ATP1A1: variants seen among roughly 807,000 people sequenced by gnomAD.
The protein encoded by ATP1A1 is sodium/potassium-transporting ATPase subunit alpha-1.
A neutral mutation model predicts 114.8 loss-of-function variants in ATP1A1; 14 were observed. The ratio of observed to expected loss-of-function variants is 0.12; its 90% confidence interval spans 0.08 to 0.19. The LOEUF is 0.19. Among genes scored for constraint, ATP1A1 ranks in the 10% least tolerant of loss-of-function variants. The probability of loss-of-function intolerance (pLI) is 1.00; values close to 1 mark genes in which losing one functional copy is unlikely to be tolerated. For synonymous variants in ATP1A1, 471 were observed against 466.3 expected, an observed-to-expected ratio of 1.01 and a Z score of -0.13; for missense variants, 524 against 1,290.7, an observed-to-expected ratio of 0.41 and a Z score of 9.10.
rs1653050392 is a variant in ATP1A1 at position 116,397,738 on chromosome 1, T to C, written c.1974-150T>C. ...AAATGCTCTGTAACCTGTAAAGTAC[T>C]GAACACTTAATAGCTTTTATGTGCT... is the stretch of plus-strand genomic sequence containing the variant. On this transcript the variant is annotated intron_variant, in intron 14 of 22. Coordinates refer to ENST00000295598, the MANE Select transcript of ATP1A1 (RefSeq NM_000701.8). The surrounding 1 kb of genome is among the most constrained non-coding windows in gnomAD (Gnocchi z 4.2). The C allele has an allele frequency of 1.0e-6, 1 of 964,548 alleles. No homozygotes were observed. Among genetic ancestry groups the C allele is most frequent in the Non-Finnish European group, 1.5e-6 (1 of 661,768 alleles). The allele number at this position is 964,548 out of a possible 1,614,324, so 59.7% of individuals were successfully genotyped here. A position where few individuals can be genotyped will look rare whatever the true frequency, so the allele number is the denominator to read the frequency against.
At chr1:116,392,740 C>G in intron 10 of ATP1A1, 114 bp from the exon 11 acceptor site, 1 of 1,306,854 alleles carries the variant, frequency 7.7e-7, no homozygotes, top group South Asian at 1.5e-5. Flanking sequence ...TCTTGCCCAT[C>G]CTCTGCTACC....
rs1652613055 is a variant in ATP1A1, at chr1:116,393,207, G to A, written c.1467+219G>A. On this transcript the variant is annotated intron_variant, in intron 11 of 22. Transcript: ENST00000295598. This position sits in a 1 kb window ranked among gnomAD's most constrained non-coding sequence, Gnocchi z 5.0. The stretch of plus-strand genomic sequence containing the variant: ...CTGTTGAGCCCTTTTGAATACTTGT[G>A]GTTTGGGGTGGGTGTGGGCATGTGG... Among the ~76,000 whole-genome samples, 1 of 151,876 alleles carries A rather than the reference G, an allele frequency of 6.6e-6. No individual in the cohort carries two copies. The highest frequency in any genetic ancestry group is 1.9e-4 in the East Asian group (1 of 5,194).
chr1:116,382,789 C>T (rs574983395), intron 1 of ATP1A1, among the ~76,000 whole-genome samples: 6 of 152,246 alleles, frequency 3.9e-5, no homozygotes, highest in African/African-American at 1.4e-4. Context: ...AATCTGGACA[C>T]GAGTTCCTAA....
At position 116,401,450 on chromosome 1, in the gene ATP1A1, C is replaced by T. The variant is rs1653470678; in HGVS notation, c.2850-104C>T. 2 of 1,413,054 alleles carry T rather than the reference C, an allele frequency of 1.4e-6. No individual in the cohort carries two copies. The highest frequency in any genetic ancestry group is 9.8e-7 in the Non-Finnish European group (1 of 1,019,046). 87.5% of individuals were successfully genotyped at this position (1,413,054 alleles called of 1,614,324 possible). A position where few individuals can be genotyped will look rare whatever the true frequency, so the allele number is the denominator to read the frequency against. On this transcript the variant is annotated intron_variant, in intron 20 of 22. Transcript: ENST00000295598. This position sits in a 1 kb window ranked among gnomAD's most constrained non-coding sequence, Gnocchi z 4.7. ...CATCTGACCTCCAAGTTTTCAAGTA[C>T]AGCTAATACATAAAGATGTTGATCT...
intron 13 of ATP1A1, among the ~76,000 whole-genome samples, chr1:116,396,304 T>A (rs2101057131): frequency 6.7e-6 from 1 of 148,474 alleles, no homozygotes; most frequent in East Asian, 1.9e-4. Context: ...TTTTGCTGGT[T>A]TTAGTAATTT....
chr1:116,388,187 C>T lies in ATP1A1; in HGVS notation c.444C>T (p.Tyr148=), dbSNP rs150863711. 3.1e-6 allele frequency: 5 copies of T among 1,614,126 alleles called. No homozygotes were observed. The highest frequency in any genetic ancestry group is 2.2e-5 in the East Asian group (1 of 44,872). Residue 148 remains tyrosine, a synonymous_variant, in exon 5 of 23, where the codon TAC becomes TAT. Coordinates refer to ENST00000295598, the MANE Select transcript of ATP1A1 (RefSeq NM_000701.8). This position sits in a 1 kb window ranked among gnomAD's most constrained non-coding sequence, Gnocchi z 5.6. The part of the protein sequence containing the change: ...AVVIITGCFS[Y]YQEAKSSKIM... ...TAATCATAACTGGTTGCTTCTCCTA[C>T]TATCAAGAAGCTAAAAGTTCAAAGA...
At chr1:116,373,690 T>G in intron 1 of ATP1A1, among the ~76,000 whole-genome samples, 167 bp downstream of exon 1, 1 of 119,674 alleles carries the variant, frequency 8.4e-6, no homozygotes, top group Non-Finnish European at 1.7e-5. Flanking sequence ...AGTTTGGAAA[T>G]GGAGGGAGCG....
rs533768384 is a variant in ATP1A1, at chr1:116,390,633, T to A, written c.1223-149T>A. ...CTTTAAATTGCCCTACAAACGTGAC[T>A]GAAGAATGCCTAAAATGTGATTGGT... On this transcript the variant is annotated intron_variant, in intron 9 of 22. Transcript: ENST00000295598. The A allele has an allele frequency of 1.7e-5, 14 of 840,274 alleles. No homozygotes were observed. The African/African-American group carries it at 1.9e-4, about 11-fold the overall frequency. The allele number at this position is 840,274 out of a possible 1,614,324, so 52.1% of individuals were successfully genotyped here.
At position 116,393,510 on chromosome 1, in the gene ATP1A1, T is replaced by C. The variant is rs759588556; in HGVS notation, c.1468-21T>C. ...CACACATCCAACCATCCAATGTTTA[T>C]GTCTCAACAATCCTTCACAGTTGTC... On this transcript the variant is annotated intron_variant, in intron 11 of 22. Transcript: ENST00000295598. The surrounding 1 kb of genome is among the most constrained non-coding windows in gnomAD (Gnocchi z 5.0). 3 of 1,600,470 alleles carry C rather than the reference T, an allele frequency of 1.9e-6. No individual in the cohort carries two copies. Among genetic ancestry groups the C allele is most frequent in the East Asian group, 2.2e-5 (1 of 44,644 alleles).
chr1:116,395,240 G>T lies in ATP1A1; in HGVS notation c.1791G>T (p.Ala597=). 2.5e-6 allele frequency: 4 copies of T among 1,614,046 alleles called. No homozygotes were observed. The highest frequency in any genetic ancestry group is 3.4e-6 in the Non-Finnish European group (4 of 1,179,978). ...TCTCCATGATTGACCCTCCACGGGC[G>T]GCCGTTCCTGATGCCGTGGGCAAAT... ...GLISMIDPPR[A]AVPDAVGKCR... The change falls in exon 13 of 23, where the codon GCG becomes GCT. Residue 597 remains alanine, a synonymous_variant. Transcript: ENST00000295598. The surrounding 1 kb of genome is among the most constrained non-coding windows in gnomAD (Gnocchi z 6.4).
Position 116,401,423 on chromosome 1 carries a change from T to G in ATP1A1, c.2850-131T>G. 1 of 1,454,412 alleles carries G rather than the reference T, an allele frequency of 6.9e-7. No homozygotes were observed. Among genetic ancestry groups the G allele is most frequent in the Non-Finnish European group, 9.4e-7 (1 of 1,066,496 alleles). 90.1% of individuals were successfully genotyped at this position (1,454,412 alleles called of 1,614,324 possible). The stretch of plus-strand genomic sequence containing the variant: ...GCAAGAAATGTAGCTTTCTAGTTTT[T>G]TCATCTGACCTCCAAGTTTTCAAGT... On this transcript the variant is annotated intron_variant, in intron 20 of 22. Transcript: ENST00000295598. The surrounding 1 kb of genome is among the most constrained non-coding windows in gnomAD (Gnocchi z 4.7).
Position 116,393,527 on chromosome 1 carries a change from A to T in ATP1A1, c.1468-4A>T. ...AATGTTTATGTCTCAACAATCCTTC[A>T]CAGTTGTCTATTCATAAGAACCCCA... On this transcript the variant is annotated splice_polypyrimidine_tract_variant and splice_region_variant and intron_variant, in intron 11 of 22. Coordinates refer to ENST00000295598, the MANE Select transcript of ATP1A1 (RefSeq NM_000701.8). This position sits in a 1 kb window ranked among gnomAD's most constrained non-coding sequence, Gnocchi z 5.0. The T allele has an allele frequency of 1.2e-6, 2 of 1,610,806 alleles. No homozygotes were observed. The highest frequency in any genetic ancestry group is 1.7e-6 in the Non-Finnish European group (2 of 1,178,172).
Position 116,387,178 on chromosome 1 carries a change from C to A in ATP1A1, c.184-110C>A. ...TTTACCTTGGCTCTCTAGCTTGGGA[C>A]ATTTTGTTTCTTCCTTAAATCCTTA... On this transcript the variant is annotated intron_variant, in intron 3 of 22. Transcript: ENST00000295598. This position sits in a 1 kb window ranked among gnomAD's most constrained non-coding sequence, Gnocchi z 6.7. 1 of 1,277,144 alleles carries A rather than the reference C, an allele frequency of 7.8e-7. No homozygotes were observed. Among genetic ancestry groups the A allele is most frequent in the Non-Finnish European group, 1.1e-6 (1 of 917,204 alleles). 79.1% of individuals were successfully genotyped at this position (1,277,144 alleles called of 1,614,324 possible). A position where few individuals can be genotyped will look rare whatever the true frequency, so the allele number is the denominator to read the frequency against.
chr1:116,390,842 G>A lies in ATP1A1; in HGVS notation c.1283G>A (p.Cys428Tyr). The A allele has an allele frequency of 1.2e-6, 2 of 1,614,190 alleles. No homozygotes were observed. The highest frequency in any genetic ancestry group is 1.7e-6 in the Non-Finnish European group (2 of 1,180,032). ...GCTCTGTCCAGAATTGCAGGTCTTT[G>A]TAACAGGGCAGTGTTTCAGGCTAAC... ...WLALSRIAGL[C>Y]NRAVFQANQE... Residue 428 changes from cysteine (C) to tyrosine (Y), a missense_variant, in exon 10 of 23, where the codon TGT becomes TAT. This residue lies in a region of ATP1A1 where 143 missense variants were observed against 259.3 expected (regional missense o/e 0.55). Coordinates refer to ENST00000295598, the MANE Select transcript of ATP1A1 (RefSeq NM_000701.8).
intron 10 of ATP1A1, among the ~76,000 whole-genome samples, chr1:116,391,400 C>G (rs1652464909): frequency 6.6e-6 from 1 of 152,152 alleles, no homozygotes; most frequent in Non-Finnish European, 1.5e-5. Flanking sequence ...AAAATAAGCT[C>G]CAGGCCAAAA....
rs1324881194 is a variant in ATP1A1 at position 116,388,180 on chromosome 1, TCTC to T, written c.440_442del (p.Ser147del). On this transcript the variant is annotated inframe_deletion, in exon 5 of 23. Transcript: ENST00000295598. This position sits in a 1 kb window ranked among gnomAD's most constrained non-coding sequence, Gnocchi z 5.6. The stretch of plus-strand genomic sequence containing the variant: ...GCCGTTGTAATCATAACTGGTTGCT[TCTC>T]CTACTATCAAGAAGCTAAAAGTTCA... The T allele has an allele frequency of 6.2e-7, 1 of 1,614,146 alleles. No individual in the cohort carries two copies. Among genetic ancestry groups the T allele is most frequent in the Admixed American group, 1.7e-5 (1 of 60,022 alleles).
chr1:116,402,692 G>T (rs1447523475), intron 21 of ATP1A1, among the ~76,000 whole-genome samples: 3 of 152,170 alleles, frequency 2.0e-5, no homozygotes, highest in African/African-American at 7.2e-5. Context: ...TTTGTGTTTG[G>T]TAAGATCCTT....
chr1:116,393,537 A>G lies in ATP1A1; in HGVS notation c.1474A>G (p.Ile492Val). ...FNSTNKYQLS[I>V]HKNPNTSEPQ... ...TCTCAACAATCCTTCACAGTTGTCT[A>G]TTCATAAGAACCCCAACACATCGGA... is the stretch of plus-strand genomic sequence containing the variant. Residue 492 changes from isoleucine (I) to valine (V), a missense_variant, in exon 12 of 23, where the codon ATT becomes GTT. This residue lies in a region of ATP1A1 where 143 missense variants were observed against 259.3 expected (regional missense o/e 0.55). Transcript: ENST00000295598. This position sits in a 1 kb window ranked among gnomAD's most constrained non-coding sequence, Gnocchi z 5.0. The G allele has an allele frequency of 1.9e-6, 3 of 1,613,016 alleles. No individual in the cohort carries two copies. Among genetic ancestry groups the G allele is most frequent in the African/African-American group, 2.7e-5 (2 of 75,008 alleles).
At position 116,389,170 on chromosome 1, in the gene ATP1A1, G is replaced by A. The variant is rs1387296544; in HGVS notation, c.754+151G>A. 2.2e-6 allele frequency: 2 copies of A among 918,396 alleles called. No homozygotes were observed. The highest frequency in any genetic ancestry group is 1.7e-5 in the African/African-American group (1 of 59,534). 56.9% of individuals were successfully genotyped at this position (918,396 alleles called of 1,614,324 possible). The stretch of plus-strand genomic sequence containing the variant: ...GCAGAGGTGTTTTCCTAGCTGGCAG[G>A]AAACCTTGTGGCAGTTTCCCTTCCC... On this transcript the variant is annotated intron_variant, in intron 7 of 22. Transcript: ENST00000295598. This position sits in a 1 kb window ranked among gnomAD's most constrained non-coding sequence, Gnocchi z 6.9.
Sources: allele counts gnomAD v4.1 joint callset (sites outside exome capture counted in the v4.1 genomes callset), GRCh38; gene constraint gnomAD v4.1.1; regional missense constraint gnomAD v4.1.1; non-coding constraint Gnocchi (gnomAD v3.1); transcripts MANE v1.5; gene names NCBI Gene and HGNC (gene_info 2026-07-23, HGNC 2026-07-21).